TMPRSS13: variants seen among roughly 807,000 people sequenced by gnomAD.
The protein encoded by TMPRSS13 is transmembrane protease serine 13.
A neutral mutation model predicts 68.4 loss-of-function variants in TMPRSS13; 50 were observed. That is an observed-to-expected ratio of 0.73 (90% CI 0.58 to 0.93). TMPRSS13 has a LOEUF of 0.93. TMPRSS13 is among the 40% of genes least tolerant of loss of function. The pLI is 0.00. For missense variants in TMPRSS13, 615 were observed against 729.2 expected, an observed-to-expected ratio of 0.84 and a Z score of 1.80; for synonymous variants, 267 against 285.8, an observed-to-expected ratio of 0.93 and a Z score of 0.66.
chr11:117,903,245 A>C lies in TMPRSS13; in HGVS notation c.1677+410T>G, dbSNP rs1234211197. The C allele has an allele frequency of 3.0e-6, 4 of 1,316,290 alleles. No individual in the cohort carries two copies. In the Admixed American group the frequency reaches 1.2e-4, roughly 41 times the overall value. 81.5% of individuals were successfully genotyped at this position (1,316,290 alleles called of 1,614,324 possible). On this transcript the variant is annotated intron_variant, in intron 12 of 12. Transcript: ENST00000524993. ...CAACAAAAAGAAAATCAAAAAGACTAAAACAAACAGAGCTGGGAAAGGCCA... is the reference window on the plus strand; with the variant it reads ...CAACAAAAAGAAAATCAAAAAGACTCAAACAAACAGAGCTGGGAAAGGCCA...
chr11:117,908,436 A>C (rs2057485221), intron 9 of TMPRSS13, 176 bp downstream of exon 9: 1 of 689,172 alleles, frequency 1.5e-6, no homozygotes, highest in East Asian at 2.7e-5. Flanking sequence ...CTTGGGCTTC[A>C]GTTTCCCTAA....
chr11:117,923,497 G>A (rs544051894), intron 1 of TMPRSS13, among the ~76,000 whole-genome samples: 3 of 152,178 alleles, frequency 2.0e-5, no homozygotes, highest in East Asian at 1.9e-4. Context: ...GCTGTGGATC[G>A]AGCCCCAGGC....
At chr11:117,926,364 T>A (rs1277254271) in intron 1 of TMPRSS13, among the ~76,000 whole-genome samples, 1 of 151,906 alleles carries the variant, frequency 6.6e-6, no homozygotes, top group Non-Finnish European at 1.5e-5. Flanking sequence ...CATGGCAGAG[T>A]GACTTGACCC....
At chr11:117,903,137 T>A in intron 12 of TMPRSS13, 1 of 1,333,024 alleles carries the variant, frequency 7.5e-7, no homozygotes, top group Non-Finnish European at 9.6e-7. Context: ...ATGGTAGTTC[T>A]CAGGGAGCAT....
chr11:117,924,214 A>G (rs4936411), intron 1 of TMPRSS13, among the ~76,000 whole-genome samples: 135,838 of 150,358 alleles, frequency 0.9, 63,108 homozygotes, highest in East Asian at 1. Flanking sequence ...AACCTACCCA[A>G]GCCCTTTATA....
intron 5 of TMPRSS13, among the ~76,000 whole-genome samples, chr11:117,913,044 C>T (rs369193468): frequency 1.3e-5 from 2 of 152,098 alleles, no homozygotes; most frequent in Admixed American, 1.3e-4. Flanking sequence ...TAACACCCCA[C>T]CCCAGGTGTT....
chr11:117,929,197 A>G (rs141356673), intron 1 of TMPRSS13, 90 bp downstream of exon 1: 62 of 1,135,162 alleles, frequency 5.5e-5, no homozygotes, highest in Non-Finnish European at 7.4e-5. Context: ...AACCTGAAAC[A>G]CAGAGGTAGC....
chr11:117,917,362 G>A (rs2134906257), intron 2 of TMPRSS13, 88 bp from the exon 3 acceptor site: 1 of 1,034,384 alleles, frequency 9.7e-7, no homozygotes, highest in Non-Finnish European at 1.4e-6. Context: ...CTGTGGCCCA[G>A]GAGGGCCCCG....
chr11:117,929,284 C>A lies in TMPRSS13; in HGVS notation c.21+3G>T, dbSNP rs764533426. ...CTGGCCCGAGGCCTGAGGTCACACTCACCCCGTGGCTGTCCCTCTCCATGG... is the reference window on the plus strand; with the variant it reads ...CTGGCCCGAGGCCTGAGGTCACACTAACCCCGTGGCTGTCCCTCTCCATGG... On this transcript the variant is annotated splice_donor_region_variant and intron_variant, in intron 1 of 12. Transcript: ENST00000524993. 1.2e-6 allele frequency: 2 copies of A among 1,604,468 alleles called. No individual in the cohort carries two copies. Among genetic ancestry groups the A allele is most frequent in the Non-Finnish European group, 1.7e-6 (2 of 1,175,958 alleles).
chr11:117,920,610 T>C (rs1472851502), intron 1 of TMPRSS13, among the ~76,000 whole-genome samples: 1 of 152,164 alleles, frequency 6.6e-6, no homozygotes, highest in Admixed American at 6.5e-5. Context: ...TGCCTCAGCC[T>C]CCCGAGAAGC....
chr11:117,913,138 C>T (rs2057539975), intron 5 of TMPRSS13, among the ~76,000 whole-genome samples: 1 of 152,210 alleles, frequency 6.6e-6, no homozygotes, highest in Non-Finnish European at 1.5e-5. Context: ...AAACCCAAGA[C>T]TACCCATCTG....
rs1209270539 is a variant in TMPRSS13, at chr11:117,901,969, A to C, written c.*270T>G. ...ACACTCCTGTAGGAACATCCACGGT[A>C]CTCAACTCTTGTCTCCAGGTAATTT... On this transcript the variant is annotated 3_prime_UTR_variant, in exon 13 of 13. Transcript: ENST00000524993. 1.5e-5 allele frequency: 8 copies of C among 548,070 alleles called. No individual in the cohort carries two copies. In the Admixed American group the frequency reaches 2.4e-4, roughly 16 times the overall value. 34.0% of individuals were successfully genotyped at this position (548,070 alleles called of 1,614,324 possible).
chr11:117,926,702 C>T (rs772066986), intron 1 of TMPRSS13, among the ~76,000 whole-genome samples: 1 of 152,176 alleles, frequency 6.6e-6, no homozygotes, highest in Non-Finnish European at 1.5e-5. Context: ...TATGTAATTC[C>T]AGACTGTCAG....
intron 8 of TMPRSS13, among the ~76,000 whole-genome samples, chr11:117,909,393 C>T (rs1033628207): frequency 1.6e-4 from 24 of 152,196 alleles, no homozygotes; most frequent in African/African-American, 4.8e-4. Flanking sequence ...AGCTGGTGAC[C>T]GTTAGCAGCT....
rs2057607548 is a variant in TMPRSS13 at position 117,918,676 on chromosome 11, C to G, written c.184G>C (p.Ala62Pro). 6.2e-7 allele frequency: 1 copy of G among 1,602,482 alleles called. No individual in the cohort carries two copies. Among genetic ancestry groups the G allele is most frequent in the East Asian group, 2.3e-5 (1 of 44,364 alleles). The change falls in exon 2 of 13, where the codon GCT (alanine) becomes CCT (proline). Residue 62 changes from alanine to proline, a missense_variant. Ala to Pro is a conservative substitution (Grantham distance 27, BLOSUM62 -1). Coordinates refer to ENST00000524993, the MANE Select transcript of TMPRSS13 (RefSeq NM_001077263.3). ...GRASPAQASPAGTPPGRASPG... is the reference protein window; with the variant it reads ...GRASPAQASPPGTPPGRASPG... ...GATGCCCGGCCTGGAGGTGTACCAGCTGGAGATGCCTGGGCTGGAGATGCC... is the reference window on the plus strand; with the variant it reads ...GATGCCCGGCCTGGAGGTGTACCAGGTGGAGATGCCTGGGCTGGAGATGCC...
rs997288525 is a variant in TMPRSS13, at chr11:117,924,847, A to G, written c.21+4440T>C. Among the ~76,000 whole-genome samples the G allele has an allele frequency of 4.6e-5, 7 of 151,766 alleles. No homozygotes were observed. The East Asian group carries it at 1.4e-3, about 29-fold the overall frequency. ...CAGGCATCTTCCCCACCACCTCCTC[A>G]CCCAGCACCAGCATCTCCAGCACAC... is the stretch of plus-strand genomic sequence containing the variant. On this transcript the variant is annotated intron_variant, in intron 1 of 12. Transcript: ENST00000524993.
chr11:117,904,274 C>T (rs1361546619), intron 10 of TMPRSS13, among the ~76,000 whole-genome samples, 173 bp from the exon 11 acceptor site: 1 of 152,158 alleles, frequency 6.6e-6, no homozygotes, highest in Non-Finnish European at 1.5e-5. Flanking sequence ...GGTTGGACAC[C>T]CAGGACATAT....
At chr11:117,902,290 G>A (rs1234971117) in intron 12 of TMPRSS13, 25 bp from the exon 13 acceptor site, 9 of 1,613,446 alleles carry the variant, frequency 5.6e-6, no homozygotes, top group Non-Finnish European at 7.6e-6. Context: ...GGGAGAAGAG[G>A]GTGAGGGTGG....
At chr11:117,917,372 G>C (rs963885320) in intron 2 of TMPRSS13, 98 bp from the exon 3 acceptor site, 7 of 837,266 alleles carry the variant, frequency 8.4e-6, no homozygotes, top group East Asian at 2.7e-5. Context: ...GGAGGGCCCC[G>C]TGAGGACCAC....
Sources: gnomAD v4.1 joint callset for allele counts (sites outside exome capture counted in the v4.1 genomes callset) on GRCh38, gnomAD v4.1.1 for gene constraint, MANE v1.5 for transcripts, NCBI Gene and HGNC (gene_info 2026-07-23, HGNC 2026-07-21) for gene names.